Variants in CELF1 observed in about 807,000 individuals in gnomAD.
CELF1 encodes CUGBP Elav-like family member 1, also known as 50 kDa nuclear polyadenylated RNA-binding protein.
CELF1 carries 10 observed loss-of-function variants against 61.8 expected under a neutral mutation model. The observed-to-expected ratio is 0.16, with a 90% CI of 0.10 to 0.27. The LOEUF (loss-of-function observed/expected upper bound fraction) is 0.27, where lower values mean the gene tolerates loss of function less well. Among genes scored for constraint, CELF1 ranks in the 10% least tolerant of loss-of-function variants. The pLI, the probability that CELF1 is intolerant of heterozygous loss-of-function variation, is 1.00. For synonymous variants in CELF1, 236 were observed against 225.1 expected, an observed-to-expected ratio of 1.05 and a Z score of -0.43; for missense variants, 380 against 639.1, an observed-to-expected ratio of 0.59 and a Z score of 4.37.
intron 1 of CELF1, among the ~76,000 whole-genome samples, chr11:47,533,580 A>G (rs894881049): frequency 2.0e-5 from 3 of 152,082 alleles, no homozygotes; most frequent in Non-Finnish European, 4.4e-5. Flanking sequence ...CTGAGATCGC[A>G]CCACCGCACT....
intron 1 of CELF1, among the ~76,000 whole-genome samples, chr11:47,545,435 G>A (rs554965804): frequency 8.9e-4 from 136 of 151,980 alleles, no homozygotes; most frequent in Non-Finnish European, 1.7e-3. Context: ...TGTCTCAAAA[G>A]AACAAATAAA....
At chr11:47,490,912 A>G (rs1488514501) in intron 3 of CELF1, among the ~76,000 whole-genome samples, 1 of 147,150 alleles carries the variant, frequency 6.8e-6, no homozygotes, top group African/African-American at 2.5e-5. Context: ...CCCGGGCTGG[A>G]GTGCAATGGT....
chr11:47,500,046 C>G (rs2093703055), intron 2 of CELF1, among the ~76,000 whole-genome samples: 1 of 152,180 alleles, frequency 6.6e-6, no homozygotes, highest in Admixed American at 6.5e-5. Context: ...CAGCAATGAG[C>G]ACAGTGCTTA....
chr11:47,483,251 T>A (rs894007158), intron 8 of CELF1, among the ~76,000 whole-genome samples: 4 of 152,008 alleles, frequency 2.6e-5, no homozygotes, highest in Non-Finnish European at 4.4e-5. Flanking sequence ...GGTGACAAAG[T>A]AAGACCCCAT....
At chr11:47,557,149 C>T (rs2097207892), upstream of CELF1, among the ~76,000 whole-genome samples, 1 of 151,978 alleles carries the variant, frequency 6.6e-6, no homozygotes, top group African/African-American at 2.4e-5. Context: ...ATCCGCCCGC[C>T]TCAGCCTCGC....
intron 1 of CELF1, among the ~76,000 whole-genome samples, chr11:47,528,020 C>T (rs1029323414): frequency 1.3e-5 from 2 of 152,070 alleles, no homozygotes; most frequent in Admixed American, 6.6e-5. Flanking sequence ...GGGTTGAACC[C>T]GAGAGGCGGA....
At chr11:47,541,696 A>C (rs1487760380) in intron 1 of CELF1, among the ~76,000 whole-genome samples, 1 of 1,146 alleles carries the variant, frequency 8.7e-4, no homozygotes, top group African/African-American at 9.1e-4. Flanking sequence ...CAAAGAAAGA[A>C]AGAAAGAAAG....
chr11:47,549,635 C>A (rs1299471117), intron 1 of CELF1, among the ~76,000 whole-genome samples: 2 of 151,962 alleles, frequency 1.3e-5, no homozygotes, highest in African/African-American at 4.8e-5. Flanking sequence ...TTGGTAGAAA[C>A]AGAAATAATG....
intron 3 of CELF1, 126 bp from the exon 4 acceptor site, chr11:47,489,150 C>T: frequency 1.2e-6 from 1 of 821,550 alleles, no homozygotes; most frequent in African/African-American, 1.8e-5. Flanking sequence ...TCTTTCACTA[C>T]TTCCATTCAG....
In CELF1 at chr11:47,489,932, C is replaced by CTTTTTTTTTTTTTTTT. The variant is rs530410346; in HGVS notation, c.72-909_72-908insAAAAAAAAAAAAAAAA. 3.5e-3 allele frequency among the ~76,000 whole-genome samples: 83 copies of CTTTTTTTTTTTTTTTT among 23,398 alleles called. 1 individual carries two copies. Among genetic ancestry groups the CTTTTTTTTTTTTTTTT allele is most frequent in the Middle Eastern group, 0.036 (1 of 28 alleles). 15.3% of individuals were successfully genotyped at this position (23,398 alleles called of 152,430 possible). A position where few individuals can be genotyped will look rare whatever the true frequency, so the allele number is the denominator to read the frequency against. ...GATGTTTCCACTCAGAACATACCAT[C>CTTTTTTTTTTTTTTTT]TTGTTTTTTTTTTTTTTTTTTTTGA... On this transcript the variant is annotated intron_variant, in intron 3 of 14. Coordinates refer to ENST00000687097, the MANE Select transcript of CELF1 (RefSeq NM_001376376.1).
chr11:47,523,256 A>G (rs2096049827), intron 1 of CELF1: 1 of 152,232 alleles, frequency 6.6e-6, no homozygotes, highest in South Asian at 2.1e-4. Flanking sequence ...ACTGAGGCTG[A>G]GCTGTAAAAT....
intron 3 of CELF1, among the ~76,000 whole-genome samples, chr11:47,496,478 G>A (rs1046847760): frequency 1.3e-5 from 2 of 152,168 alleles, no homozygotes; most frequent in Non-Finnish European, 2.9e-5. Flanking sequence ...TTGAGGCAAT[G>A]TCACTGAAAA....
intron 1 of CELF1, among the ~76,000 whole-genome samples, chr11:47,540,782 G>A (rs2096754474): frequency 6.6e-6 from 1 of 152,128 alleles, no homozygotes; most frequent in Admixed American, 6.6e-5. Flanking sequence ...TACTTGGGAG[G>A]CTGAGGCAGG....
At chr11:47,510,972 A>T (rs1380883650) in intron 1 of CELF1, among the ~76,000 whole-genome samples, 1 of 152,042 alleles carries the variant, frequency 6.6e-6, no homozygotes, top group Admixed American at 6.6e-5. Context: ...GCATGAGCCC[A>T]CAAGTTTGAG....
intron 2 of CELF1, among the ~76,000 whole-genome samples, chr11:47,500,147 A>C (rs544180277): frequency 1.9e-4 from 29 of 152,218 alleles, no homozygotes; most frequent in African/African-American, 7.0e-4. Flanking sequence ...TAAACTGGCC[A>C]CCAGAAACTT....
At chr11:47,537,050 T>C (rs1182962415) in intron 1 of CELF1, among the ~76,000 whole-genome samples, 1 of 152,142 alleles carries the variant, frequency 6.6e-6, no homozygotes, top group East Asian at 1.9e-4. Flanking sequence ...TCCTTGATTT[T>C]ATTTGGAAAA....
intron 1 of CELF1, among the ~76,000 whole-genome samples, chr11:47,516,553 A>C (rs2095563590): frequency 2.0e-5 from 3 of 151,782 alleles, no homozygotes; most frequent in Non-Finnish European, 2.9e-5. Flanking sequence ...TAATTGCTTG[A>C]CTGACATTGC....
At chr11:47,483,016 C>A (rs1232898304) in intron 8 of CELF1, among the ~76,000 whole-genome samples, 160 bp from the exon 9 acceptor site, 1 of 152,132 alleles carries the variant, frequency 6.6e-6, no homozygotes, top group East Asian at 1.9e-4. Context: ...AATCCCAACA[C>A]TTTGGGAGGC....
intron 1 of CELF1, among the ~76,000 whole-genome samples, chr11:47,531,338 G>C (rs992219993): frequency 2.0e-5 from 3 of 152,128 alleles, no homozygotes; most frequent in African/African-American, 7.2e-5. Flanking sequence ...GGGAGGCCAA[G>C]GTGGGCAGAT....
Sources: gnomAD v4.1 joint callset for allele counts (sites outside exome capture counted in the v4.1 genomes callset) on GRCh38, gnomAD v4.1.1 for gene constraint, MANE v1.5 for transcripts, NCBI Gene and HGNC (gene_info 2026-07-23, HGNC 2026-07-21) for gene names.